The following TMED3 variants were observed in gnomAD, a reference collection of about 807,000 sequenced individuals.
TMED3 encodes the protein transmembrane emp24 domain-containing protein 3.
TMED3 carries 9 observed loss-of-function variants against 15.0 expected under a neutral mutation model. The observed-to-expected ratio is 0.60, with a 90% CI of 0.36 to 1.04. The LOEUF is 1.04. TMED3 is among the 50% of genes least tolerant of loss of function. The probability of loss-of-function intolerance (pLI) is 0.01; values close to 1 mark genes in which losing one functional copy is unlikely to be tolerated. For synonymous variants in TMED3, 117 were observed against 121.4 expected (o/e 0.96, Z 0.24); for missense variants, 267 against 278.9 (o/e 0.96, Z 0.30).
chr15:79,376,014 A>G (rs1245003858), intron 2 of TMED3, among the ~76,000 whole-genome samples: 1 of 151,062 alleles, frequency 6.6e-6, no homozygotes, highest in Admixed American at 6.6e-5. Flanking sequence ...TTACTCTTCT[A>G]CTATGCCTCC....
At chr15:79,389,891 G>A (rs1893675596) in intron 2 of TMED3, among the ~76,000 whole-genome samples, 1 of 152,044 alleles carries the variant, frequency 6.6e-6, no homozygotes, top group Non-Finnish European at 1.5e-5. Context: ...TCTCCACTTG[G>A]TTGCTGTTGG....
chr15:79,386,360 ACT>A (rs1422990309), intron 2 of TMED3, among the ~76,000 whole-genome samples: 2 of 151,866 alleles, frequency 1.3e-5, no homozygotes, highest in Non-Finnish European at 2.9e-5. Flanking sequence ...TTTTCAGAGC[ACT>A]CTCCTCATCT....
At chr15:79,313,433 G>A (rs1203378450) in intron 1 of TMED3, among the ~76,000 whole-genome samples, 1 of 152,098 alleles carries the variant, frequency 6.6e-6, no homozygotes, top group Non-Finnish European at 1.5e-5. Context: ...GTAACCTTAG[G>A]GAATTTACTT....
At chr15:79,346,556 T>C (rs751926998) in intron 2 of TMED3, among the ~76,000 whole-genome samples, 10 of 152,182 alleles carry the variant, frequency 6.6e-5, no homozygotes, top group Non-Finnish European at 1.5e-4. Flanking sequence ...GAACTGTGAG[T>C]TCATTAAACC....
chr15:79,392,156 G>A (rs1000827373), intron 2 of TMED3, among the ~76,000 whole-genome samples: 11 of 151,752 alleles, frequency 7.2e-5, no homozygotes, highest in Admixed American at 2.6e-4. Context: ...TGTTTTTTTT[G>A]TTTTGTTTTT....
intron 2 of TMED3, among the ~76,000 whole-genome samples, chr15:79,397,008 C>T (rs1349693509): frequency 6.6e-6 from 1 of 152,194 alleles, no homozygotes; most frequent in African/African-American, 2.4e-5. Context: ...CCGGCCAAAG[C>T]ACCCGTTCAG....
intron 2 of TMED3, among the ~76,000 whole-genome samples, chr15:79,360,073 G>A (rs9920460): frequency 0.13 from 20,329 of 152,154 alleles, 1,511 homozygotes; most frequent in African/African-American, 0.2. Flanking sequence ...GTGAGACTGC[G>A]GGAAGAAAAA....
chr15:79,333,923 A>G (rs1362839999), intron 2 of TMED3, among the ~76,000 whole-genome samples: 1 of 152,114 alleles, frequency 6.6e-6, no homozygotes, highest in Non-Finnish European at 1.5e-5. Context: ...ATATGCACTC[A>G]CCTCAGCTCT....
rs192997446 is a variant in TMED3, at chr15:79,354,825, C to G, written c.417+40820C>G. On this transcript the variant is annotated intron_variant, in intron 2 of 2. Transcript: ENST00000424155. ...CCCAAGCTCTAAATTTCAACTGTTCCCCTTCAAGCTCTGCCCCCCCATTCC... is the reference window on the plus strand; with the variant it reads ...CCCAAGCTCTAAATTTCAACTGTTCGCCTTCAAGCTCTGCCCCCCCATTCC... Among the ~76,000 whole-genome samples, 273 of 152,220 alleles carry G rather than the reference C, an allele frequency of 1.8e-3. 4 individuals are homozygous for G. The highest frequency in any genetic ancestry group is 6.4e-3 in the African/African-American group (265 of 41,546).
intron 2 of TMED3, among the ~76,000 whole-genome samples, chr15:79,365,036 G>T (rs1893204026): frequency 2.0e-5 from 3 of 152,218 alleles, no homozygotes; most frequent in Non-Finnish European, 4.4e-5. Flanking sequence ...TACCCACTTG[G>T]TCTCCTGCAT....
Position 79,311,282 on chromosome 15 carries a change from G to C in TMED3, c.33G>C (p.Val11=). Residue 11 remains valine, a synonymous_variant, in exon 1 of 3, where the codon GTG becomes GTC. Transcript: ENST00000299705. ...GCACTGTCCCGCGCTCCGCCTCCGT[G>C]CTGCTTCTGCTGCTGCTCCTGCGCC... MGSTVPRSAS[V]LLLLLLLRRA... The C allele has an allele frequency of 6.2e-7, 1 of 1,606,474 alleles. No homozygotes were observed. The highest frequency in any genetic ancestry group is 8.5e-7 in the Non-Finnish European group (1 of 1,177,640).
intron 2 of TMED3, among the ~76,000 whole-genome samples, chr15:79,409,174 G>T (rs1893939236): frequency 6.6e-6 from 1 of 152,212 alleles, no homozygotes; most frequent in Admixed American, 6.5e-5. Context: ...TATAAGGACA[G>T]GTCGAGGAGT....
chr15:79,341,987 A>G (rs891198001), intron 2 of TMED3, among the ~76,000 whole-genome samples: 3 of 152,242 alleles, frequency 2.0e-5, no homozygotes, highest in African/African-American at 7.2e-5. Context: ...CTTGGTTGGT[A>G]CAAAAATGTG....
intron 2 of TMED3, among the ~76,000 whole-genome samples, chr15:79,319,363 A>G (rs558577997): frequency 9.2e-5 from 14 of 152,300 alleles, no homozygotes; most frequent in African/African-American, 3.4e-4. Flanking sequence ...TTCCTTACAT[A>G]GTCTAGTTCA....
In TMED3 at chr15:79,329,155, C is replaced by T. The variant is rs776370289; in HGVS notation, c.417+15150C>T. On this transcript the variant is annotated intron_variant, in intron 2 of 2. Transcript: ENST00000424155. ...AGTATTAGCAAATGGGGATTTTCTTCTGTGATTTTCTCTGTCCAGGGGTTC... is the reference window on the plus strand; with the variant it reads ...AGTATTAGCAAATGGGGATTTTCTTTTGTGATTTTCTCTGTCCAGGGGTTC... Among the ~76,000 whole-genome samples the T allele has an allele frequency of 2.0e-5, 3 of 152,164 alleles. No individual in the cohort carries two copies. The South Asian group carries it at 6.2e-4, about 32-fold the overall frequency.
intron 2 of TMED3, among the ~76,000 whole-genome samples, chr15:79,329,796 C>A (rs933306827): frequency 6.6e-6 from 1 of 152,222 alleles, no homozygotes; most frequent in African/African-American, 2.4e-5. Context: ...CCCCTTGGAC[C>A]TCAGCATGGG....
At chr15:79,319,899 A>T (rs1424271337) in intron 2 of TMED3, among the ~76,000 whole-genome samples, 2 of 152,238 alleles carry the variant, frequency 1.3e-5, no homozygotes, top group African/African-American at 4.8e-5. Context: ...GCCCAGGTAC[A>T]CAGGATGGAA....
intron 2 of TMED3, among the ~76,000 whole-genome samples, chr15:79,349,532 T>G (rs929372136): frequency 6.6e-6 from 1 of 152,136 alleles, no homozygotes; most frequent in Admixed American, 6.5e-5. Context: ...AAATAAAATT[T>G]AATTTAATTA....
intron 2 of TMED3, among the ~76,000 whole-genome samples, chr15:79,339,450 C>T (rs931493290): frequency 1.1e-4 from 16 of 152,208 alleles, no homozygotes; most frequent in Admixed American, 9.2e-4. Context: ...AGAGACCCAC[C>T]GACCCTGTGG....
Sources: gnomAD v4.1 joint callset for allele counts (sites outside exome capture counted in the v4.1 genomes callset) on GRCh38, gnomAD v4.1.1 for gene constraint, MANE v1.5 for transcripts, NCBI Gene and HGNC (gene_info 2026-07-23, HGNC 2026-07-21) for gene names.